Variants in ACER3 observed in about 807,000 individuals in gnomAD.
The protein encoded by ACER3 is alkCDase 3.
ACER3 carries 16 observed loss-of-function variants against 48.9 expected under a neutral mutation model. That is an observed-to-expected ratio of 0.33 (90% CI 0.22 to 0.50). The LOEUF is 0.50. Among genes scored for constraint, ACER3 ranks in the 20% least tolerant of loss-of-function variants. The probability of loss-of-function intolerance (pLI) is 0.98; values close to 1 mark genes in which losing one functional copy is unlikely to be tolerated. For missense variants in ACER3, 227 were observed against 326.0 expected (o/e 0.70, Z 2.34); for synonymous variants, 109 against 107.8 (o/e 1.01, Z -0.07).
intron 4 of ACER3, among the ~76,000 whole-genome samples, chr11:76,980,020 T>C (rs7940972): frequency 0.71 from 107,907 of 151,746 alleles, 38,765 homozygotes; most frequent in Non-Finnish European, 0.77. Context: ...TGCCTGTAAT[T>C]TCAGCTACTT....
intron 1 of ACER3, among the ~76,000 whole-genome samples, chr11:76,916,178 G>A (rs963828023): frequency 1.3e-5 from 2 of 152,110 alleles, no homozygotes; most frequent in Non-Finnish European, 2.9e-5. Flanking sequence ...AATTAGTTTG[G>A]GGTGAAGGAT....
intron 5 of ACER3, among the ~76,000 whole-genome samples, chr11:76,989,057 T>C (rs1003267627): frequency 9.2e-5 from 14 of 152,318 alleles, no homozygotes; most frequent in East Asian, 3.9e-4. Flanking sequence ...TTAAGAGATA[T>C]GTCGTTTTGC....
chr11:76,882,971 C>G (rs1193748079), intron 1 of ACER3, among the ~76,000 whole-genome samples: 2 of 152,154 alleles, frequency 1.3e-5, no homozygotes, highest in Non-Finnish European at 2.9e-5. Context: ...TTCCTCAGTT[C>G]TCTTCAGTGC....
chr11:76,909,662 A>G (rs950320025), intron 1 of ACER3, among the ~76,000 whole-genome samples: 45 of 152,342 alleles, frequency 3.0e-4, no homozygotes, highest in Non-Finnish European at 6.0e-4. Flanking sequence ...ACGCTTTTAC[A>G]CTGTTGGTGG....
intron 1 of ACER3, chr11:76,868,381 C>A (rs1401117832): frequency 4.2e-6 from 2 of 481,452 alleles, no homozygotes; most frequent in Non-Finnish European, 6.2e-6. Flanking sequence ...TAATATCTCT[C>A]TCTCTCTCTC....
At chr11:76,959,624 C>G (rs1393835333) in intron 3 of ACER3, among the ~76,000 whole-genome samples, 1 of 151,900 alleles carries the variant, frequency 6.6e-6, no homozygotes, top group Non-Finnish European at 1.5e-5. Flanking sequence ...GCAATCTTGG[C>G]TCACTGCAAC....
intron 1 of ACER3, among the ~76,000 whole-genome samples, chr11:76,905,183 T>C (rs1264296260): frequency 6.6e-6 from 1 of 152,066 alleles, no homozygotes; most frequent in Non-Finnish European, 1.5e-5. Context: ...GAAAATGTGA[T>C]TGTGCATTAT....
intron 2 of ACER3, among the ~76,000 whole-genome samples, chr11:76,936,216 A>G (rs1322892171): frequency 6.6e-6 from 1 of 152,204 alleles, no homozygotes; most frequent in Admixed American, 6.5e-5. Context: ...TAGCACTGAT[A>G]TTCCAATAGA....
intron 6 of ACER3, among the ~76,000 whole-genome samples, chr11:76,997,455 G>C (rs1270544278): frequency 1.3e-5 from 2 of 152,136 alleles, no homozygotes; most frequent in African/African-American, 2.4e-5. Context: ...GTATAGCTAT[G>C]GTTATGGATT....
At chr11:76,883,601 C>T (rs546785241) in intron 1 of ACER3, among the ~76,000 whole-genome samples, 3 of 152,084 alleles carry the variant, frequency 2.0e-5, no homozygotes, top group Admixed American at 1.3e-4. Flanking sequence ...TGTGCTACCA[C>T]GCTTGGCTAA....
chr11:76,901,864 G>A (rs932577041), intron 1 of ACER3, among the ~76,000 whole-genome samples: 3 of 152,026 alleles, frequency 2.0e-5, no homozygotes, highest in South Asian at 4.1e-4. Context: ...GTGTGGTGCC[G>A]GGCTGTCTGC....
intron 1 of ACER3, among the ~76,000 whole-genome samples, chr11:76,863,714 A>G (rs1945000161): frequency 1.3e-5 from 2 of 152,244 alleles, no homozygotes. Context: ...GGTCACTTGT[A>G]CTACACTTTG....
chr11:77,005,986 T>TTATATATATATAC (rs1949133166), intron 7 of ACER3, among the ~76,000 whole-genome samples: 3 of 33,894 alleles, frequency 8.9e-5, no homozygotes, highest in South Asian at 1.9e-3. Context: ...TATATATATA[T>TTATATATATATAC]ATATATTTTT....
chr11:76,904,898 G>C lies in ACER3; in HGVS notation c.104-21659G>C, dbSNP rs540246932. On this transcript the variant is annotated intron_variant, in intron 1 of 10. Transcript: ENST00000532485. ...GATGGAGTCTCCCTTTGTTGCCCAG[G>C]CTGGAGTGCAGTGGCACAATCTCGG... 5.3e-5 allele frequency among the ~76,000 whole-genome samples: 8 copies of C among 152,002 alleles called. No homozygotes were observed. In the East Asian group the frequency reaches 1.5e-3, roughly 29 times the overall value.
chr11:76,868,683 A>T (rs1362898872), intron 1 of ACER3, among the ~76,000 whole-genome samples: 2 of 152,224 alleles, frequency 1.3e-5, no homozygotes, highest in Admixed American at 1.3e-4. Flanking sequence ...GCCAAGAGGA[A>T]TCTGAACAGA....
intron 1 of ACER3, among the ~76,000 whole-genome samples, chr11:76,911,078 G>A (rs975682303): frequency 4.6e-5 from 7 of 152,108 alleles, no homozygotes; most frequent in Non-Finnish European, 8.8e-5. Context: ...CTTGGATCTT[G>A]CGCAAGAAAG....
intron 1 of ACER3, among the ~76,000 whole-genome samples, chr11:76,923,136 C>G (rs12422098): frequency 2.2e-5 from 3 of 135,658 alleles, no homozygotes; most frequent in Non-Finnish European, 5.0e-5. Context: ...ATTCTACTCC[C>G]CAGAAGCAAA....
intron 6 of ACER3, among the ~76,000 whole-genome samples, chr11:76,996,108 G>T (rs1027470759): frequency 1.3e-5 from 2 of 151,972 alleles, no homozygotes; most frequent in Non-Finnish European, 2.9e-5. Flanking sequence ...AACTGTCCAT[G>T]CCACAAACCA....
chr11:77,014,884 A>T lies in ACER3; in HGVS notation c.498-132A>T, dbSNP rs1591070866. 2.6e-5 allele frequency: 17 copies of T among 654,658 alleles called. No homozygotes were observed. In the East Asian group the frequency reaches 4.4e-4, roughly 17 times the overall value. 40.6% of individuals were successfully genotyped at this position (654,658 alleles called of 1,614,324 possible). On this transcript the variant is annotated intron_variant, in intron 7 of 10. Coordinates refer to ENST00000532485, the MANE Select transcript of ACER3 (RefSeq NM_018367.7). ...ACAATGATCACATCTGTGAATAGCC[A>T]CTGCACTCCAGCCTGGGCAACATAG...
Sources: allele counts gnomAD v4.1 joint callset (sites outside exome capture counted in the v4.1 genomes callset), GRCh38; gene constraint gnomAD v4.1.1; transcripts MANE v1.5; gene names NCBI Gene and HGNC (gene_info 2026-07-23, HGNC 2026-07-21).